The following ADAMTS3 variants were observed in gnomAD, a reference collection of about 807,000 sequenced individuals.
ADAMTS3 encodes the protein ADAM metallopeptidase with thrombospondin type 1 motif 3.
In ADAMTS3, 73 loss-of-function variants were observed where a neutral mutation model predicts 129.0. That is an observed-to-expected ratio of 0.57 (90% confidence interval 0.47 to 0.69). ADAMTS3 has a LOEUF of 0.69. ADAMTS3 is among the 30% of genes least tolerant of loss of function. ADAMTS3 has a pLI of 0.00. For missense variants in ADAMTS3, 1,457 were observed against 1,514.5 expected, an observed-to-expected ratio of 0.96 and a Z score of 0.63; for synonymous variants, 477 against 510.8, an observed-to-expected ratio of 0.93 and a Z score of 0.89.
rs1326633039 is a variant in ADAMTS3 at position 72,548,773 on chromosome 4, G to A, written c.209C>T (p.Ala70Val). 12 of 1,613,736 alleles carry A rather than the reference G, an allele frequency of 7.4e-6. 1 individual carries two copies. Among genetic ancestry groups the A allele is most frequent in the South Asian group, 4.4e-5 (4 of 91,086 alleles). The change falls in exon 3 of 22, where the codon GCG becomes GTG. Residue 70 changes from alanine to valine, a missense_variant. Coordinates refer to ENST00000286657, the MANE Select transcript of ADAMTS3 (RefSeq NM_014243.3). ...TLSASHKKRS[A>V]RDVSSNPEQL... ...CTCAGGGTTGGAAGACACGTCCCTCGCTGACCTCTTTTTGTGACTCGCAGA... is the reference window on the plus strand; with the variant it reads ...CTCAGGGTTGGAAGACACGTCCCTCACTGACCTCTTTTTGTGACTCGCAGA...
intron 7 of ADAMTS3, 37 bp from the exon 8 acceptor site, chr4:72,320,000 T>C (rs1469509970): frequency 6.4e-7 from 1 of 1,561,038 alleles, no homozygotes; most frequent in South Asian, 1.1e-5. Flanking sequence ...TTTCATTTTA[T>C]GAGAAAACCC....
intron 3 of ADAMTS3, among the ~76,000 whole-genome samples, chr4:72,448,584 A>G (rs549274244): frequency 6.6e-6 from 1 of 151,750 alleles, no homozygotes; most frequent in African/African-American, 2.4e-5. Flanking sequence ...AACAATCCTA[A>G]AAATTTATAT....
chr4:72,514,279 C>T (rs1308497195), intron 3 of ADAMTS3, among the ~76,000 whole-genome samples: 1 of 152,110 alleles, frequency 6.6e-6, no homozygotes, highest in Non-Finnish European at 1.5e-5. Context: ...ACAAGTACTT[C>T]TAGGAGGCTT....
At chr4:72,498,015 T>C (rs940818736) in intron 3 of ADAMTS3, among the ~76,000 whole-genome samples, 4 of 151,988 alleles carry the variant, frequency 2.6e-5, no homozygotes, top group Non-Finnish European at 5.9e-5. Flanking sequence ...GGCCCTTAGC[T>C]CTCTAAATTC....
rs112146522 is a variant in ADAMTS3, at chr4:72,344,118, A to C, written c.662-4425T>G. 2.0e-3 allele frequency among the ~76,000 whole-genome samples: 303 copies of C among 152,256 alleles called. 5 individuals are homozygous for C. Among genetic ancestry groups the C allele is most frequent in the South Asian group, 0.013 (62 of 4,828 alleles). ...GGCATATAGGTGTTCAATCAAGTCA[A>C]AATAAATACAGTTATTTTTAGTGTT... On this transcript the variant is annotated intron_variant, in intron 4 of 21. Coordinates refer to ENST00000286657, the MANE Select transcript of ADAMTS3 (RefSeq NM_014243.3).
Position 72,283,365 on chromosome 4 carries a change from C to G in ADAMTS3, c.3389G>C (p.Arg1130Pro). Residue 1130 changes from arginine (R) to proline (P), a missense_variant, in exon 22 of 22, where the codon CGC (arginine) becomes CCC (proline). Arg to Pro is a moderately radical substitution (Grantham distance 103). Coordinates refer to ENST00000286657, the MANE Select transcript of ADAMTS3 (RefSeq NM_014243.3). ...PNSKPDGANL[R>P]QRSAQQAGSK... Reference sequence around the variant, plus strand: ...TCCTGCTTGCTGAGCACTCCTCTGGCGTAAATTAGCACCATCAGGTTTACT... The same window carrying G: ...TCCTGCTTGCTGAGCACTCCTCTGGGGTAAATTAGCACCATCAGGTTTACT... 1 of 1,613,484 alleles carries G rather than the reference C, an allele frequency of 6.2e-7. No homozygotes were observed.
chr4:72,353,441 A>G (rs1017171771), intron 4 of ADAMTS3, among the ~76,000 whole-genome samples: 6 of 151,974 alleles, frequency 3.9e-5, no homozygotes, highest in African/African-American at 1.4e-4. Context: ...GCAGGGTCCT[A>G]TGTCTAGTTG....
intron 4 of ADAMTS3, among the ~76,000 whole-genome samples, chr4:72,395,457 G>A (rs1721703065): frequency 6.6e-6 from 1 of 152,110 alleles, no homozygotes; most frequent in African/African-American, 2.4e-5. Context: ...TGTATACTGG[G>A]GAGTGGCGTC....
chr4:72,385,637 T>C (rs2064060446), intron 4 of ADAMTS3, among the ~76,000 whole-genome samples: 2 of 152,060 alleles, frequency 1.3e-5, no homozygotes, highest in South Asian at 4.1e-4. Flanking sequence ...AGATAGCATG[T>C]ATTAAGCAAG....
At chr4:72,495,732 T>TAC (rs1719858422) in intron 3 of ADAMTS3, among the ~76,000 whole-genome samples, 1 of 151,536 alleles carries the variant, frequency 6.6e-6, no homozygotes, top group East Asian at 1.9e-4. Flanking sequence ...GTAACCTATA[T>TAC]ATATTAAATG....
intron 20 of ADAMTS3, among the ~76,000 whole-genome samples, chr4:72,290,485 T>G (rs529516579): frequency 1.3e-5 from 2 of 152,262 alleles, no homozygotes; most frequent in Non-Finnish European, 2.9e-5. Flanking sequence ...TTACTCGAAC[T>G]GGGACAAAGA....
At chr4:72,349,603 T>A (rs1465211091) in intron 4 of ADAMTS3, among the ~76,000 whole-genome samples, 3 of 151,954 alleles carry the variant, frequency 2.0e-5, no homozygotes, top group Non-Finnish European at 4.4e-5. Context: ...TGTTGCCTAT[T>A]TTTTTTCAGA....
chr4:72,470,374 T>C (rs532942931), intron 3 of ADAMTS3, among the ~76,000 whole-genome samples: 140 of 144,100 alleles, frequency 9.7e-4, no homozygotes, highest in Non-Finnish European at 1.1e-3. Flanking sequence ...TATATATATA[T>C]ATACACACAC....
intron 3 of ADAMTS3, among the ~76,000 whole-genome samples, chr4:72,482,511 A>T (rs1305145808): frequency 6.6e-6 from 1 of 152,098 alleles, no homozygotes; most frequent in Admixed American, 6.5e-5. Flanking sequence ...CTTAAGGAAG[A>T]AGTGGGGTGG....
chr4:72,426,034 T>C (rs1216443520), intron 3 of ADAMTS3, among the ~76,000 whole-genome samples: 2 of 152,214 alleles, frequency 1.3e-5, no homozygotes, highest in African/African-American at 4.8e-5. Context: ...TTCTAACCAG[T>C]GTGAGATGGT....
chr4:72,455,224 T>C (rs1361724663), intron 3 of ADAMTS3, among the ~76,000 whole-genome samples: 1 of 151,492 alleles, frequency 6.6e-6, no homozygotes, highest in Non-Finnish European at 1.5e-5. Context: ...CCAACAAATA[T>C]AGAAAAAACT....
At chr4:72,514,092 C>T (rs968185877) in intron 3 of ADAMTS3, among the ~76,000 whole-genome samples, 12 of 152,120 alleles carry the variant, frequency 7.9e-5, no homozygotes, top group Non-Finnish European at 1.3e-4. Flanking sequence ...CTCCTTCTCT[C>T]TCTCTCTCTC....
chr4:72,430,058 A>G (rs545806371), intron 3 of ADAMTS3, among the ~76,000 whole-genome samples: 1 of 152,172 alleles, frequency 6.6e-6, no homozygotes, highest in East Asian at 1.9e-4. Flanking sequence ...ATTGTGTTGA[A>G]AAAAGAAAAT....
intron 3 of ADAMTS3, among the ~76,000 whole-genome samples, chr4:72,544,390 T>G (rs1373439467): frequency 2.0e-5 from 3 of 152,134 alleles, no homozygotes; most frequent in African/African-American, 7.2e-5. Context: ...TACAACTTAA[T>G]TTATTTCCAG....
Sources: gnomAD v4.1 joint callset for allele counts (sites outside exome capture counted in the v4.1 genomes callset) on GRCh38, gnomAD v4.1.1 for gene constraint, MANE v1.5 for transcripts, NCBI Gene and HGNC (gene_info 2026-07-23, HGNC 2026-07-21) for gene names.